CSMD1: variants seen among roughly 807,000 people sequenced by gnomAD.
CSMD1 encodes CUB and sushi domain-containing protein 1.
A neutral mutation model predicts 417.5 loss-of-function variants in CSMD1; 213 were observed. The observed-to-expected ratio is 0.51, with a 90% CI of 0.46 to 0.57. The LOEUF (loss-of-function observed/expected upper bound fraction) is 0.57. CSMD1 is among the 20% of genes least tolerant of loss of function. The pLI, the probability that CSMD1 is intolerant of heterozygous loss-of-function variation, is 0.00. For missense variants in CSMD1, 6,923 were observed against 4,529.7 expected (o/e 1.53, Z -15.17); for synonymous variants, 2,862 against 1,736.8 (o/e 1.65, Z -16.11).
At chr8:4,528,694 T>G (rs1178212282) in intron 2 of CSMD1, among the ~76,000 whole-genome samples, 1 of 152,188 alleles carries the variant, frequency 6.6e-6, no homozygotes, top group Non-Finnish European at 1.5e-5. Flanking sequence ...CTCCAATGTA[T>G]ATATTAATTA....
chr8:3,084,543 AT>A (rs1434047515), intron 49 of CSMD1, among the ~76,000 whole-genome samples: 3 of 151,354 alleles, frequency 2.0e-5, no homozygotes, highest in South Asian at 4.2e-4. Context: ...AAAAAAAAAA[AT>A]CTACATTCTA....
At chr8:3,727,476 TAA>T (rs1421450319) in intron 6 of CSMD1, among the ~76,000 whole-genome samples, 1 of 152,152 alleles carries the variant, frequency 6.6e-6, no homozygotes, top group Non-Finnish European at 1.5e-5. Flanking sequence ...TAAAAATGAA[TAA>T]AGAGTAAGAA....
chr8:3,776,006 C>T (rs1436467525), intron 5 of CSMD1, among the ~76,000 whole-genome samples: 2 of 152,196 alleles, frequency 1.3e-5, no homozygotes, highest in Non-Finnish European at 2.9e-5. Flanking sequence ...AGACCCTGAT[C>T]CAAATTTCCC....
intron 4 of CSMD1, among the ~76,000 whole-genome samples, chr8:4,028,083 G>A (rs568199839): frequency 6.6e-6 from 1 of 151,970 alleles, no homozygotes; most frequent in South Asian, 2.1e-4. Flanking sequence ...AAGATGAAAA[G>A]TAATTAATAA....
chr8:3,558,149 G>A (rs1799247317), intron 10 of CSMD1, among the ~76,000 whole-genome samples: 1 of 150,726 alleles, frequency 6.6e-6, no homozygotes, highest in Admixed American at 6.6e-5. Flanking sequence ...CTCCAATGAT[G>A]AATGGTGCCT....
intron 2 of CSMD1, among the ~76,000 whole-genome samples, chr8:4,593,162 A>G (rs1019768146): frequency 2.6e-5 from 4 of 152,160 alleles, no homozygotes; most frequent in African/African-American, 9.7e-5. Context: ...CATTGAGAGG[A>G]CCAGGCAGTC....
intron 5 of CSMD1, among the ~76,000 whole-genome samples, chr8:3,845,191 G>T (rs144508013): frequency 1.1e-3 from 174 of 152,300 alleles, no homozygotes; most frequent in African/African-American, 3.8e-3. Context: ...ATACCGTTAG[G>T]AAAATAGTGC....
intron 10 of CSMD1, among the ~76,000 whole-genome samples, chr8:3,530,931 C>T (rs974463237): frequency 6.6e-6 from 1 of 151,892 alleles, no homozygotes; most frequent in South Asian, 2.1e-4. Flanking sequence ...GATCTCACTG[C>T]AACCTCCACC....
chr8:4,667,471 T>C (rs1414368212), intron 1 of CSMD1, among the ~76,000 whole-genome samples: 1 of 152,148 alleles, frequency 6.6e-6, no homozygotes, highest in African/African-American at 2.4e-5. Flanking sequence ...GTCTTAATAA[T>C]ATGAAGTACT....
intron 4 of CSMD1, among the ~76,000 whole-genome samples, chr8:4,030,475 C>T (rs1797285676): frequency 2.6e-5 from 4 of 152,330 alleles, no homozygotes; most frequent in South Asian, 4.1e-4. Flanking sequence ...TTATGTTGCC[C>T]CTTTCAGCCA....
chr8:4,992,973 G>A (rs376969194), intron 1 of CSMD1, among the ~76,000 whole-genome samples: 5 of 152,306 alleles, frequency 3.3e-5, no homozygotes, highest in African/African-American at 1.2e-4. Flanking sequence ...CGGAGCCCTG[G>A]ACGCCCCGTG....
At chr8:3,334,906 T>C (rs564533461) in intron 23 of CSMD1, among the ~76,000 whole-genome samples, 20 of 152,332 alleles carry the variant, frequency 1.3e-4, no homozygotes, top group East Asian at 1.9e-4. Context: ...GGTGATCCCA[T>C]TGCATCTGTA....
intron 26 of CSMD1, among the ~76,000 whole-genome samples, chr8:3,255,192 G>C (rs1310736822): frequency 6.6e-6 from 1 of 152,130 alleles, no homozygotes; most frequent in South Asian, 2.1e-4. Context: ...GTGGATATTG[G>C]TGAACAGCGA....
chr8:4,153,205 A>C (rs1445788092), intron 3 of CSMD1, among the ~76,000 whole-genome samples: 1 of 152,188 alleles, frequency 6.6e-6, no homozygotes, highest in Non-Finnish European at 1.5e-5. Context: ...CTTTGCCGCT[A>C]ACTCAGCAAC....
intron 3 of CSMD1, among the ~76,000 whole-genome samples, chr8:4,196,359 T>A (rs1487353676): frequency 4.6e-5 from 7 of 152,220 alleles, no homozygotes; most frequent in Non-Finnish European, 8.8e-5. Context: ...ACAGTCTTAC[T>A]TTTAGTTCTG....
intron 26 of CSMD1, among the ~76,000 whole-genome samples, chr8:3,249,819 T>C (rs1237264099): frequency 1.3e-5 from 2 of 152,224 alleles, no homozygotes; most frequent in Non-Finnish European, 1.5e-5. Flanking sequence ...GTTTGCAATT[T>C]AGTGATGTTT....
intron 5 of CSMD1, among the ~76,000 whole-genome samples, chr8:3,865,037 G>T (rs1042033761): frequency 6.6e-6 from 1 of 152,136 alleles, no homozygotes; most frequent in African/African-American, 2.4e-5. Context: ...TGTCAAGTAA[G>T]ACATGCTTTG....
chr8:3,902,692 C>G (rs1339695886), intron 5 of CSMD1, among the ~76,000 whole-genome samples: 2 of 152,150 alleles, frequency 1.3e-5, no homozygotes, highest in African/African-American at 4.8e-5. Context: ...TGGTTCTTAA[C>G]AGGCTGTGGA....
intron 3 of CSMD1, among the ~76,000 whole-genome samples, chr8:4,178,379 A>C (rs1016837738): frequency 2.0e-5 from 3 of 150,774 alleles, no homozygotes; most frequent in East Asian, 1.9e-4. Flanking sequence ...AAAATTCAAC[A>C]ACCCTTCATG....
Sources: gnomAD v4.1 joint callset for allele counts (sites outside exome capture counted in the v4.1 genomes callset) on GRCh38, gnomAD v4.1.1 for gene constraint, MANE v1.5 for transcripts, NCBI Gene and HGNC (gene_info 2026-07-23, HGNC 2026-07-21) for gene names.